GOLPH3: variants seen among roughly 807,000 people sequenced by gnomAD.
The protein encoded by GOLPH3 is golgi phosphoprotein 3.
A neutral mutation model predicts 28.5 loss-of-function variants in GOLPH3; 14 were observed. The observed-to-expected ratio is 0.49, with a 90% confidence interval of 0.32 to 0.77. GOLPH3 has a LOEUF of 0.77. Among genes scored for constraint, GOLPH3 ranks in the 30% least tolerant of loss-of-function variants. GOLPH3 has a pLI of 0.03. For missense variants in GOLPH3, 350 were observed against 393.7 expected (o/e 0.89, Z 0.94); for synonymous variants, 158 against 159.2 (o/e 0.99, Z 0.06).
chr5:32,159,609 A>T (rs1156843149), intron 1 of GOLPH3, among the ~76,000 whole-genome samples: 2 of 152,240 alleles, frequency 1.3e-5, no homozygotes, highest in Non-Finnish European at 2.9e-5. Flanking sequence ...GTGGTTTTTT[A>T]AAGTATATTT....
At chr5:32,138,439 G>C (rs976060711) in intron 2 of GOLPH3, among the ~76,000 whole-genome samples, 2 of 151,874 alleles carry the variant, frequency 1.3e-5, no homozygotes, top group Non-Finnish European at 2.9e-5. Flanking sequence ...ACAACGTGCA[G>C]GTTTGTTACG....
intron 1 of GOLPH3, among the ~76,000 whole-genome samples, chr5:32,145,574 G>A (rs1746167611): frequency 6.6e-6 from 1 of 152,150 alleles, no homozygotes; most frequent in Admixed American, 6.6e-5. Flanking sequence ...AAACAACAGA[G>A]AACACCTCAT....
At chr5:32,172,250 C>T (rs559254245) in intron 1 of GOLPH3, among the ~76,000 whole-genome samples, 2 of 151,804 alleles carry the variant, frequency 1.3e-5, no homozygotes, top group South Asian at 4.1e-4. Flanking sequence ...TCAAGCTAAC[C>T]GTTAGTTCAT....
intron 1 of GOLPH3, among the ~76,000 whole-genome samples, chr5:32,172,138 G>A (rs541529079): frequency 1.1e-3 from 166 of 152,222 alleles, no homozygotes; most frequent in Middle Eastern, 3.4e-3. Flanking sequence ...AGGTACAGCA[G>A]CCCTTTCACA....
chr5:32,173,971 C>A lies in GOLPH3; in HGVS notation c.64G>T (p.Ala22Ser). ...CCCGCCGCCCGCTCCTTGTCGGCGGCGTTGCGGGAGGCCTCGGTGCGCCGC... is the reference window on the plus strand; with the variant it reads ...CCCGCCGCCCGCTCCTTGTCGGCGGAGTTGCGGGAGGCCTCGGTGCGCCGC... ...VQRRTEASRN[A>S]ADKERAAGGG... The change falls in exon 1 of 4, where the codon GCC becomes TCC. Residue 22 changes from alanine (A) to serine (S), a missense_variant. Ala to Ser is a moderately conservative substitution (Grantham distance 99, BLOSUM62 1). Coordinates refer to ENST00000265070, the MANE Select transcript of GOLPH3 (RefSeq NM_022130.4). The A allele has an allele frequency of 7.1e-7, 1 of 1,400,880 alleles. No individual in the cohort carries two copies. 86.8% of individuals were successfully genotyped at this position (1,400,880 alleles called of 1,614,324 possible).
chr5:32,148,494 C>T (rs1207482474), intron 1 of GOLPH3, among the ~76,000 whole-genome samples: 1 of 152,172 alleles, frequency 6.6e-6, no homozygotes, highest in Non-Finnish European at 1.5e-5. Context: ...TTGGAAATGG[C>T]TTTCTAATAG....
intron 2 of GOLPH3, among the ~76,000 whole-genome samples, chr5:32,137,911 T>TG (rs1235569492): frequency 1.3e-5 from 2 of 150,648 alleles, no homozygotes; most frequent in Non-Finnish European, 3.0e-5. Context: ...TTTTTTTTGT[T>TG]TTTTTTTTTT....
intron 1 of GOLPH3, among the ~76,000 whole-genome samples, chr5:32,154,488 A>G (rs1356324857): frequency 6.6e-6 from 1 of 152,252 alleles, no homozygotes; most frequent in Non-Finnish European, 1.5e-5. Flanking sequence ...TGGTCTCTCT[A>G]GTGGTGACAA....
At chr5:32,130,460 T>A (rs1423968930) in intron 3 of GOLPH3, among the ~76,000 whole-genome samples, 1 of 152,232 alleles carries the variant, frequency 6.6e-6, no homozygotes, top group Non-Finnish European at 1.5e-5. Flanking sequence ...TAATTTGGTA[T>A]CACTGACTTA....
chr5:32,146,049 C>A (rs1746173910), intron 1 of GOLPH3, among the ~76,000 whole-genome samples: 4 of 151,948 alleles, frequency 2.6e-5, no homozygotes, highest in Admixed American at 1.3e-4. Flanking sequence ...CCCAGCACTT[C>A]GGGAGGCAGA....
At chr5:32,162,671 C>T (rs1336461444) in intron 1 of GOLPH3, among the ~76,000 whole-genome samples, 1 of 152,182 alleles carries the variant, frequency 6.6e-6, no homozygotes, top group Non-Finnish European at 1.5e-5. Flanking sequence ...ACTTACTTCT[C>T]TAGGCTAGGT....
At chr5:32,169,882 G>A (rs974308538) in intron 1 of GOLPH3, among the ~76,000 whole-genome samples, 2 of 151,738 alleles carry the variant, frequency 1.3e-5, no homozygotes, top group Admixed American at 1.3e-4. Context: ...ATCTTCTGAG[G>A]GGACTAGCCA....
chr5:32,165,841 A>G (rs1255447197), intron 1 of GOLPH3, among the ~76,000 whole-genome samples: 1 of 152,230 alleles, frequency 6.6e-6, no homozygotes, highest in Admixed American at 6.5e-5. Context: ...TCATTTAGCA[A>G]GATGAGAACC....
At chr5:32,162,226 C>G (rs1268444297) in intron 1 of GOLPH3, among the ~76,000 whole-genome samples, 1 of 151,050 alleles carries the variant, frequency 6.6e-6, no homozygotes, top group East Asian at 1.9e-4. Flanking sequence ...GGCGTGGTGG[C>G]TCACGCCTGT....
At chr5:32,161,426 G>GAAA (rs1248288982) in intron 1 of GOLPH3, among the ~76,000 whole-genome samples, 1 of 79,642 alleles carries the variant, frequency 1.3e-5, no homozygotes, top group Non-Finnish European at 2.6e-5. Context: ...CAAAGCTGAG[G>GAAA]AAAAAAAAAA....
chr5:32,173,780 C>T, intron 1 of GOLPH3, 30 bp downstream of exon 1: 2 of 1,323,298 alleles, frequency 1.5e-6, no homozygotes, highest in Non-Finnish European at 1.9e-6. Flanking sequence ...CCCGCGCCGC[C>T]GCCCCCCGCC....
At chr5:32,144,736 T>G (rs928431117) in intron 1 of GOLPH3, among the ~76,000 whole-genome samples, 1 of 152,062 alleles carries the variant, frequency 6.6e-6, no homozygotes, top group Non-Finnish European at 1.5e-5. Context: ...AAGGGCAGCA[T>G]CCACAGTGGA....
chr5:32,168,029 G>A lies in GOLPH3; in HGVS notation c.225+5781C>T, dbSNP rs144002782. Among the ~76,000 whole-genome samples, 554 of 152,192 alleles carry A rather than the reference G, an allele frequency of 3.6e-3. 2 individuals are homozygous for A. The highest frequency in any genetic ancestry group is 0.013 in the African/African-American group (523 of 41,512). On this transcript the variant is annotated intron_variant, in intron 1 of 3. Transcript: ENST00000265070. ...CTGAGATCCTGTATATCTCATACCT[G>A]TGTTTAAACACCTGAAAAAAATAGA...
At chr5:32,129,096 C>T (rs1053649348) in intron 3 of GOLPH3, among the ~76,000 whole-genome samples, 4 of 151,982 alleles carry the variant, frequency 2.6e-5, no homozygotes, top group Admixed American at 6.5e-5. Flanking sequence ...GCAGGAGAAT[C>T]GCTTGAACCC....
Sources: gnomAD v4.1 joint callset for allele counts (sites outside exome capture counted in the v4.1 genomes callset) on GRCh38, gnomAD v4.1.1 for gene constraint, MANE v1.5 for transcripts, NCBI Gene and HGNC (gene_info 2026-07-23, HGNC 2026-07-21) for gene names.